Variants in CSMD3 observed in about 807,000 individuals in gnomAD.
The protein encoded by CSMD3 is CUB and Sushi multiple domains 3.
A neutral mutation model predicts 435.2 loss-of-function variants in CSMD3; 177 were observed. The ratio of observed to expected loss-of-function variants is 0.41; its 90% confidence interval spans 0.36 to 0.46. The LOEUF (loss-of-function observed/expected upper bound fraction) is 0.46, where lower values mean the gene tolerates loss of function less well. Ranked by LOEUF, CSMD3 falls within the 20% of genes least tolerant of loss-of-function variation. The pLI, the probability that CSMD3 is intolerant of heterozygous loss-of-function variation, is 0.34. For missense variants in CSMD3, 4,265 were observed against 4,504.6 expected, an observed-to-expected ratio of 0.95 and a Z score of 1.52; for synonymous variants, 1,656 against 1,520.5, an observed-to-expected ratio of 1.09 and a Z score of -2.07.
intron 4 of CSMD3, among the ~76,000 whole-genome samples, chr8:113,111,259 A>G: frequency 6.6e-6 from 1 of 152,210 alleles, no homozygotes; most frequent in East Asian, 1.9e-4. Flanking sequence ...TTTATGGGGT[A>G]CAGCGTGATG....
At position 112,810,883 on chromosome 8, in the gene CSMD3, T is replaced by G. The variant is rs546976789; in HGVS notation, c.1860-10609A>C. On this transcript the variant is annotated intron_variant, in intron 12 of 70. Coordinates refer to ENST00000297405, the MANE Select transcript of CSMD3 (RefSeq NM_198123.2). ...TTGGTTTAGTAAGATGTCATGAGGA[T>G]CTACAAAAATAATATTCAAATAGAT... is the stretch of plus-strand genomic sequence containing the variant. Among the ~76,000 whole-genome samples, 4 of 152,124 alleles carry G rather than the reference T, an allele frequency of 2.6e-5. No individual in the cohort carries two copies. In the East Asian group the frequency reaches 7.7e-4, roughly 29 times the overall value.
intron 37 of CSMD3, among the ~76,000 whole-genome samples, chr8:112,381,396 T>G (rs963547758): frequency 4.6e-5 from 7 of 152,360 alleles, no homozygotes; most frequent in African/African-American, 1.7e-4. Flanking sequence ...TTCTTGACTT[T>G]GCTATTGAGC....
At chr8:112,459,355 GT>G (rs1563563494) in intron 32 of CSMD3, among the ~76,000 whole-genome samples, 3 of 88,424 alleles carry the variant, frequency 3.4e-5, no homozygotes, top group African/African-American at 1.8e-4. Flanking sequence ...TTGTGTGTGT[GT>G]GTGGGGGGGG....
intron 5 of CSMD3, among the ~76,000 whole-genome samples, chr8:113,098,301 T>G (rs1197174357): frequency 6.6e-6 from 1 of 152,014 alleles, no homozygotes; most frequent in Non-Finnish European, 1.5e-5. Context: ...TATTATGTCT[T>G]AAAAGCATGT....
At chr8:112,430,897 T>C (rs1813616519) in intron 32 of CSMD3, among the ~76,000 whole-genome samples, 1 of 15,486 alleles carries the variant, frequency 6.5e-5, no homozygotes, top group Admixed American at 4.4e-4. Context: ...TGTGTGTATA[T>C]GTGTGTGTGT....
In CSMD3 at chr8:112,786,337, G is replaced by C. The variant is rs139843616; in HGVS notation, c.1972+13825C>G. ...GAAACTACTAAAAGGAAACACTGGGGAAACTCTCAGGACATTGGTCTGGGC... is the reference window on the plus strand; with the variant it reads ...GAAACTACTAAAAGGAAACACTGGGCAAACTCTCAGGACATTGGTCTGGGC... On this transcript the variant is annotated intron_variant, in intron 13 of 70. Transcript: ENST00000297405. 3.6e-3 allele frequency among the ~76,000 whole-genome samples: 554 copies of C among 152,064 alleles called. 6 individuals carry two copies. The highest frequency in any genetic ancestry group is 0.012 in the African/African-American group (486 of 41,508).
intron 12 of CSMD3, among the ~76,000 whole-genome samples, chr8:112,817,934 A>G (rs553544732): frequency 3.9e-5 from 6 of 152,210 alleles, no homozygotes; most frequent in African/African-American, 1.4e-4. Context: ...GTGAAAAGAT[A>G]TGGCACATTT....
chr8:113,306,699 T>C (rs754448332), intron 2 of CSMD3, among the ~76,000 whole-genome samples: 1 of 152,222 alleles, frequency 6.6e-6, no homozygotes, highest in Non-Finnish European at 1.5e-5. Context: ...AAAATAAGTG[T>C]AGTGGCTGCT....
intron 22 of CSMD3, among the ~76,000 whole-genome samples, chr8:112,631,764 T>C (rs2074522306): frequency 6.6e-6 from 1 of 151,934 alleles, no homozygotes; most frequent in African/African-American, 2.4e-5. Flanking sequence ...TATATATTTC[T>C]TTATATTACT....
intron 5 of CSMD3, among the ~76,000 whole-genome samples, chr8:113,028,025 T>C (rs1468149682): frequency 6.6e-6 from 1 of 152,116 alleles, no homozygotes; most frequent in Non-Finnish European, 1.5e-5. Flanking sequence ...GCAGATATTG[T>C]GGGGTTTGTT....
chr8:112,753,323 T>C (rs532529800), intron 13 of CSMD3, among the ~76,000 whole-genome samples: 12 of 152,312 alleles, frequency 7.9e-5, no homozygotes, highest in Non-Finnish European at 1.6e-4. Flanking sequence ...TTTTATTTTG[T>C]ATAATGCATC....
intron 11 of CSMD3, among the ~76,000 whole-genome samples, chr8:112,846,811 A>C (rs1187403601): frequency 7.2e-5 from 11 of 152,058 alleles, no homozygotes; most frequent in Non-Finnish European, 1.6e-4. Flanking sequence ...AATTAAATAA[A>C]CCATTTGAAC....
chr8:113,363,295 T>TGATAACGG (rs778844593), intron 1 of CSMD3, among the ~76,000 whole-genome samples: 1 of 152,014 alleles, frequency 6.6e-6, no homozygotes. Flanking sequence ...CGCGTGTTTG[T>TGATAACGG]ATATTTCAAA....
At chr8:113,393,210 T>C (rs2094469084) in intron 1 of CSMD3, among the ~76,000 whole-genome samples, 1 of 151,992 alleles carries the variant, frequency 6.6e-6, no homozygotes, top group South Asian at 2.1e-4. Context: ...GAGAATGTTA[T>C]ATTTGGTAGA....
At chr8:112,498,032 A>C (rs1465119498) in intron 30 of CSMD3, among the ~76,000 whole-genome samples, 2 of 152,134 alleles carry the variant, frequency 1.3e-5, no homozygotes, top group African/African-American at 2.4e-5. Context: ...TGGGTGGGGA[A>C]GAAGGATGTA....
At chr8:113,372,151 AT>A (rs1417723590) in intron 1 of CSMD3, among the ~76,000 whole-genome samples, 2 of 152,132 alleles carry the variant, frequency 1.3e-5, no homozygotes, top group Admixed American at 6.5e-5. Flanking sequence ...TGGGAGGTCA[AT>A]TTTTTATATC....
chr8:112,995,295 G>GAT (rs1297457594), intron 6 of CSMD3, among the ~76,000 whole-genome samples: 1 of 151,314 alleles, frequency 6.6e-6, no homozygotes, highest in Non-Finnish European at 1.5e-5. Flanking sequence ...ATGATTAAAA[G>GAT]ATATTTAAAA....
intron 22 of CSMD3, among the ~76,000 whole-genome samples, chr8:112,629,922 A>G (rs2074468238): frequency 6.6e-6 from 1 of 152,172 alleles, no homozygotes; most frequent in African/African-American, 2.4e-5. Flanking sequence ...TTCACCAGAG[A>G]GACACCCCTT....
At chr8:112,533,686 CT>C (rs1215644565) in intron 27 of CSMD3, among the ~76,000 whole-genome samples, 1 of 152,062 alleles carries the variant, frequency 6.6e-6, no homozygotes, top group African/African-American at 2.4e-5. Context: ...GACTTCAACA[CT>C]CCACAATCAG....
Sources: gnomAD v4.1 joint callset for allele counts (sites outside exome capture counted in the v4.1 genomes callset) on GRCh38, gnomAD v4.1.1 for gene constraint, MANE v1.5 for transcripts, NCBI Gene and HGNC (gene_info 2026-07-23, HGNC 2026-07-21) for gene names.